The following AGO3 variants were observed in gnomAD, a reference collection of about 807,000 sequenced individuals.
AGO3 encodes protein argonaute-3.
Under a neutral mutation model 105.5 loss-of-function variants are expected in AGO3, and 16 were observed. That is an observed-to-expected ratio of 0.15 (90% CI 0.10 to 0.23). The LOEUF (loss-of-function observed/expected upper bound fraction) is 0.23. Ranked by LOEUF, AGO3 falls within the 10% of genes least tolerant of loss-of-function variation. The pLI is 1.00. For missense variants in AGO3, 534 were observed against 1,088.0 expected (o/e 0.49, Z 7.16); for synonymous variants, 340 against 367.3 (o/e 0.93, Z 0.85).
intron 6 of AGO3, 74 bp downstream of exon 6, chr1:36,004,549 C>A (rs1640251156): frequency 7.6e-7 from 1 of 1,312,764 alleles, no homozygotes; most frequent in Non-Finnish European, 1.0e-6. Flanking sequence ...AAAATGTTTT[C>A]TTATATAATT....
In AGO3 at chr1:35,999,477, C is replaced by T. The variant is rs76393183; in HGVS notation, c.659-4864C>T. ...ACTGAAATTGCGATTGAAGATTAAT[C>T]TGGGGATAATTTACATGAATAGGGT... On this transcript the variant is annotated intron_variant, in intron 5 of 18. Coordinates refer to ENST00000373191, the MANE Select transcript of AGO3 (RefSeq NM_024852.4). Among the ~76,000 whole-genome samples the T allele has an allele frequency of 8.3e-3, 1,257 of 152,216 alleles. 19 individuals carry two copies. Among genetic ancestry groups the T allele is most frequent in the African/African-American group, 0.028 (1,178 of 41,530 alleles).
intron 5 of AGO3, among the ~76,000 whole-genome samples, chr1:35,978,785 T>C (rs1189868511): frequency 6.6e-6 from 1 of 152,224 alleles, no homozygotes; most frequent in African/African-American, 2.4e-5. Context: ...CTATTTTAGC[T>C]AGATTAGTAA....
At position 36,066,613 on chromosome 1, in the gene AGO3, A is replaced by G. The variant is rs761491722; in HGVS notation, c.*10868A>G. The G allele has an allele frequency of 7.9e-5, 12 of 152,246 alleles. No individual in the cohort carries two copies. Among genetic ancestry groups the G allele is most frequent in the South Asian group, 2.1e-4 (1 of 4,838 alleles). The allele number at this position is 152,246 out of a possible 1,614,324, so 9.4% of individuals were successfully genotyped here. A position where few individuals can be genotyped will look rare whatever the true frequency, so the allele number is the denominator to read the frequency against. On this transcript the variant is annotated 3_prime_UTR_variant, in exon 19 of 19. Transcript: ENST00000373191. ...AAGACAAAACTTTCATCTTTATTTC[A>G]TGGCTTTATTTCATCTTTATTTCAT... is the stretch of plus-strand genomic sequence containing the variant.
At chr1:35,975,536 ATG>A (rs1407474797) in intron 5 of AGO3, among the ~76,000 whole-genome samples, 3 of 150,764 alleles carry the variant, frequency 2.0e-5, no homozygotes, top group African/African-American at 4.9e-5. Flanking sequence ...TGGTATTGTG[ATG>A]TTTTTTTTGT....
At chr1:36,043,871 AAG>A (rs779089418) in intron 17 of AGO3, among the ~76,000 whole-genome samples, 10 of 152,170 alleles carry the variant, frequency 6.6e-5, no homozygotes, top group Non-Finnish European at 1.3e-4. Flanking sequence ...TTAAAAAAAA[AAG>A]AGAGAGAGAG....
chr1:36,043,507 T>C lies in AGO3; in HGVS notation c.2233T>C (p.Tyr745His). ...AGTTGATACAGACATTACACACCCA[T>C]ATGAGTTCGATTTTTACCTCTGTAG... ...TTVDTDITHPYEFDFYLCSHA... is the reference protein window; with the variant it reads ...TTVDTDITHPHEFDFYLCSHA... The change falls in exon 17 of 19, where the codon TAT (tyrosine) becomes CAT (histidine). Residue 745 changes from tyrosine to histidine, a missense_variant. Physicochemically the swap from Tyr to His is moderately conservative, Grantham distance 83 (BLOSUM62 2). Around this residue, in one of 2 missense-constraint regions of AGO3, gnomAD observed 373 missense variants for 854.0 expected, o/e 0.44. Coordinates refer to ENST00000373191, the MANE Select transcript of AGO3 (RefSeq NM_024852.4). 1 of 1,613,864 alleles carries C rather than the reference T, an allele frequency of 6.2e-7. No homozygotes were observed.
intron 5 of AGO3, among the ~76,000 whole-genome samples, chr1:35,981,185 T>C (rs1647046525): frequency 6.6e-6 from 1 of 152,230 alleles, no homozygotes; most frequent in Admixed American, 6.5e-5. Context: ...TCTGTTGAGT[T>C]TTCTTTGTCA....
intron 12 of AGO3, among the ~76,000 whole-genome samples, chr1:36,031,163 T>G (rs181650785): frequency 1.4e-4 from 22 of 152,226 alleles, no homozygotes; most frequent in African/African-American, 4.3e-4. Flanking sequence ...CCTTCCTCCT[T>G]ACTTTTGTTT....
chr1:36,034,062 C>T, intron 12 of AGO3, 112 bp from the exon 13 acceptor site: 1 of 1,087,304 alleles, frequency 9.2e-7, no homozygotes, highest in African/African-American at 1.6e-5. Context: ...TTTTTGGTAT[C>T]CTGTAATACA....
chr1:35,962,500 G>A (rs1301607986), intron 2 of AGO3, among the ~76,000 whole-genome samples: 7 of 149,644 alleles, frequency 4.7e-5, no homozygotes, highest in South Asian at 2.1e-4. Context: ...CCGAGATCAC[G>A]CCACTGCACT....
intron 13 of AGO3, among the ~76,000 whole-genome samples, chr1:36,035,738 A>G (rs914883812): frequency 5.3e-5 from 8 of 152,226 alleles, no homozygotes; most frequent in Non-Finnish European, 1.2e-4. Flanking sequence ...TGCTGTGAAT[A>G]AAACTTTGGA....
At chr1:35,967,190 T>G in intron 3 of AGO3, 115 bp downstream of exon 3, 1 of 1,312,390 alleles carries the variant, frequency 7.6e-7, no homozygotes, top group Non-Finnish European at 1.0e-6. Flanking sequence ...TCACTGATTG[T>G]TTTTAACTTT....
At chr1:35,993,738 C>CTTTTT (rs141978570) in intron 5 of AGO3, among the ~76,000 whole-genome samples, 38 of 90,780 alleles carry the variant, frequency 4.2e-4, no homozygotes, top group African/African-American at 1.6e-3. Context: ...CCACCCCCTG[C>CTTTTT]TTTTTTTTTT....
intron 11 of AGO3, among the ~76,000 whole-genome samples, chr1:36,018,943 C>T (rs935532649): frequency 6.6e-6 from 1 of 151,990 alleles, no homozygotes; most frequent in Non-Finnish European, 1.5e-5. Flanking sequence ...AAACTTACCT[C>T]ATTAGCTTTA....
chr1:36,037,387 G>C (rs775406411), intron 14 of AGO3, among the ~76,000 whole-genome samples: 2 of 152,124 alleles, frequency 1.3e-5, no homozygotes, highest in African/African-American at 4.8e-5. Context: ...CTGTCGTGGT[G>C]GTGGGTGCCT....
At chr1:36,003,709 A>AAAAAAAAAAAAAT (rs1295618675) in intron 5 of AGO3, among the ~76,000 whole-genome samples, 7 of 99,436 alleles carry the variant, frequency 7.0e-5, no homozygotes, top group East Asian at 2.9e-4. Flanking sequence ...AAAAAAAAAA[A>AAAAAAAAAAAAAT]ATATATATAT....
At chr1:35,981,189 T>C (rs1481789695) in intron 5 of AGO3, among the ~76,000 whole-genome samples, 1 of 152,236 alleles carries the variant, frequency 6.6e-6, no homozygotes, top group Non-Finnish European at 1.5e-5. Flanking sequence ...TTGAGTTTTC[T>C]TTGTCAGAAA....
In AGO3 at chr1:36,062,372, A is replaced by C. The variant is rs987176564; in HGVS notation, c.*6627A>C. 9.2e-5 allele frequency: 14 copies of C among 152,170 alleles called. No individual in the cohort carries two copies. The highest frequency in any genetic ancestry group is 5.9e-5 in the Non-Finnish European group (4 of 68,026). The allele number at this position is 152,170 out of a possible 1,614,324, so 9.4% of individuals were successfully genotyped here. A position where few individuals can be genotyped will look rare whatever the true frequency, so the allele number is the denominator to read the frequency against. ...GAGGACTGCTCATAAAGGCAGTACC[A>C]AATCATCATTCAGATCAGCTTAAGT... On this transcript the variant is annotated 3_prime_UTR_variant, in exon 19 of 19. Transcript: ENST00000373191.
intron 5 of AGO3, chr1:35,982,702 C>A: frequency 1.4e-6 from 1 of 715,526 alleles, no homozygotes; most frequent in Non-Finnish European, 2.6e-6. Context: ...GCTTTTCAAT[C>A]ACTAGTTCAG....
Sources: allele counts gnomAD v4.1 joint callset (sites outside exome capture counted in the v4.1 genomes callset), GRCh38; gene constraint gnomAD v4.1.1; regional missense constraint gnomAD v4.1.1; transcripts MANE v1.5; gene names NCBI Gene and HGNC (gene_info 2026-07-23, HGNC 2026-07-21).